The following CSMD1 variants were observed in gnomAD, a reference collection of about 807,000 sequenced individuals.
The protein encoded by CSMD1 is CUB and sushi domain-containing protein 1.
Under a neutral mutation model 417.5 loss-of-function variants are expected in CSMD1, and 213 were observed. That is an observed-to-expected ratio of 0.51 (90% confidence interval 0.46 to 0.57). The LOEUF (loss-of-function observed/expected upper bound fraction) is 0.57, where lower values mean the gene tolerates loss of function less well. CSMD1 is among the 20% of genes least tolerant of loss of function. CSMD1 has a pLI of 0.00. For missense variants in CSMD1, 6,923 were observed against 4,529.7 expected (o/e 1.53, Z -15.17); for synonymous variants, 2,862 against 1,736.8 (o/e 1.65, Z -16.11).
At chr8:3,409,300 T>C in intron 13 of CSMD1, 123 bp downstream of exon 13, 1 of 807,570 alleles carries the variant, frequency 1.2e-6, no homozygotes, top group Non-Finnish European at 1.8e-6. Context: ...CCAGTAAATG[T>C]GGCACCCCGA....
At chr8:3,405,765 C>A (rs1161520) in intron 15 of CSMD1, among the ~76,000 whole-genome samples, 125,572 of 152,012 alleles carry the variant, frequency 0.83, 52,186 homozygotes, top group Non-Finnish European at 0.86. Context: ...GATTGCCAAA[C>A]ACCGCCAGGA....
intron 5 of CSMD1, among the ~76,000 whole-genome samples, chr8:3,921,575 G>A (rs556954657): frequency 1.6e-3 from 243 of 151,750 alleles, no homozygotes; most frequent in African/African-American, 5.5e-3. Flanking sequence ...CATCTATTTT[G>A]GTGTGCTTGG....
intron 1 of CSMD1, among the ~76,000 whole-genome samples, chr8:4,870,459 A>G (rs1448103974): frequency 6.6e-6 from 1 of 152,142 alleles, no homozygotes; most frequent in African/African-American, 2.4e-5. Flanking sequence ...ACTGAAATGT[A>G]TAGAGCCAGT....
intron 3 of CSMD1, among the ~76,000 whole-genome samples, chr8:4,412,499 A>T (rs1488961764): frequency 6.6e-6 from 1 of 152,178 alleles, no homozygotes; most frequent in Non-Finnish European, 1.5e-5. Flanking sequence ...AGCCTGCAGA[A>T]CTGTGAACCA....
chr8:4,044,996 T>G (rs142657026), intron 3 of CSMD1, among the ~76,000 whole-genome samples: 194 of 152,364 alleles, frequency 1.3e-3, no homozygotes, highest in Non-Finnish European at 1.7e-3. Flanking sequence ...TACTTCCTGT[T>G]TTATAATTAC....
At chr8:4,339,070 A>C (rs1800333832) in intron 3 of CSMD1, among the ~76,000 whole-genome samples, 1 of 152,078 alleles carries the variant, frequency 6.6e-6, no homozygotes, top group Non-Finnish European at 1.5e-5. Context: ...TTGCTTGGGT[A>C]GTAGAGGCAT....
chr8:4,421,412 C>G (rs1797242539), intron 2 of CSMD1, among the ~76,000 whole-genome samples: 2 of 151,900 alleles, frequency 1.3e-5, no homozygotes, highest in Non-Finnish European at 2.9e-5. Flanking sequence ...GAACATATAC[C>G]AAGATAAACC....
chr8:4,046,494 A>C (rs1386423493), intron 3 of CSMD1, among the ~76,000 whole-genome samples: 1 of 152,202 alleles, frequency 6.6e-6, no homozygotes, highest in Non-Finnish European at 1.5e-5. Flanking sequence ...GGAAAGGATA[A>C]AGCATGTTTT....
At chr8:3,216,314 G>C (rs1236232431) in intron 29 of CSMD1, among the ~76,000 whole-genome samples, 1 of 152,032 alleles carries the variant, frequency 6.6e-6, no homozygotes, top group Non-Finnish European at 1.5e-5. Context: ...AAGTTGCTCA[G>C]TTTTTCTGAT....
rs562067425 is a variant in CSMD1 at position 4,214,864 on chromosome 8, G to C, written c.416-182765C>G. ...AAACTATGACCACCAGGTTTAGATA[G>C]CGTTTTTTTAAAAAAATGTATATTC... On this transcript the variant is annotated intron_variant, in intron 3 of 69. Coordinates refer to ENST00000635120, the MANE Select transcript of CSMD1 (RefSeq NM_033225.6). 4.0e-5 allele frequency among the ~76,000 whole-genome samples: 6 copies of C among 151,720 alleles called. No individual in the cohort carries two copies. The East Asian group carries it at 1.0e-3, about 26-fold the overall frequency.
chr8:4,358,273 G>A (rs776914970), intron 3 of CSMD1, among the ~76,000 whole-genome samples: 18 of 152,230 alleles, frequency 1.2e-4, no homozygotes, highest in African/African-American at 4.3e-4. Flanking sequence ...ACCAGTGGGT[G>A]TGGAGCGCGG....
At chr8:4,246,747 A>G (rs1802738758) in intron 3 of CSMD1, among the ~76,000 whole-genome samples, 3 of 152,198 alleles carry the variant, frequency 2.0e-5, no homozygotes, top group Admixed American at 6.5e-5. Context: ...TTATTTAAAT[A>G]AAGAAAACAG....
intron 26 of CSMD1, among the ~76,000 whole-genome samples, chr8:3,240,331 A>T (rs1311291412): frequency 1.3e-5 from 2 of 152,108 alleles, no homozygotes; most frequent in Non-Finnish European, 2.9e-5. Context: ...TGGGGTCAGC[A>T]AGGTTTCCTT....
At chr8:4,842,282 T>A (rs1042033370) in intron 1 of CSMD1, among the ~76,000 whole-genome samples, 2 of 152,238 alleles carry the variant, frequency 1.3e-5, no homozygotes, top group African/African-American at 2.4e-5. Context: ...TCCAGATGCA[T>A]TGAATTTTGG....
intron 3 of CSMD1, among the ~76,000 whole-genome samples, chr8:4,198,567 C>A (rs1204695173): frequency 1.9e-4 from 29 of 152,188 alleles, no homozygotes; most frequent in Non-Finnish European, 5.9e-5. Context: ...CAGGAACGTG[C>A]ACAAGGAATT....
chr8:2,955,201 G>C (rs985262118), intron 64 of CSMD1, among the ~76,000 whole-genome samples: 1 of 152,074 alleles, frequency 6.6e-6, no homozygotes, highest in Non-Finnish European at 1.5e-5. Context: ...ACCTATTCTC[G>C]GATACTTGGT....
intron 1 of CSMD1, among the ~76,000 whole-genome samples, chr8:4,924,897 T>C (rs931455566): frequency 5.3e-5 from 8 of 152,164 alleles, no homozygotes; most frequent in African/African-American, 1.9e-4. Context: ...AAAACTGGGA[T>C]TTGAACCCAA....
At chr8:3,045,870 T>C (rs2128986013) in intron 50 of CSMD1, among the ~76,000 whole-genome samples, 1 of 152,308 alleles carries the variant, frequency 6.6e-6, no homozygotes, top group African/African-American at 2.4e-5. Flanking sequence ...TACCTCATAA[T>C]AATTAAGTAA....
intron 7 of CSMD1, among the ~76,000 whole-genome samples, chr8:3,630,159 G>C (rs1411670745): frequency 6.6e-6 from 1 of 152,206 alleles, no homozygotes; most frequent in Non-Finnish European, 1.5e-5. Flanking sequence ...GTGAAATATT[G>C]ACTGAATGCC....
Sources: allele counts gnomAD v4.1 joint callset (sites outside exome capture counted in the v4.1 genomes callset), GRCh38; gene constraint gnomAD v4.1.1; transcripts MANE v1.5; gene names NCBI Gene and HGNC (gene_info 2026-07-23, HGNC 2026-07-21).